Variants in CUL1 observed in about 807,000 individuals in gnomAD.
CUL1 encodes cullin 1.
CUL1 carries 24 observed loss-of-function variants against 118.0 expected under a neutral mutation model. The ratio of observed to expected loss-of-function variants is 0.20; its 90% CI spans 0.15 to 0.29. The LOEUF is 0.29. CUL1 is among the 10% of genes least tolerant of loss of function. The probability of loss-of-function intolerance (pLI) is 1.00; values close to 1 mark genes in which losing one functional copy is unlikely to be tolerated. For synonymous variants in CUL1, 332 were observed against 340.4 expected (o/e 0.98, Z 0.27); for missense variants, 361 against 933.8 (o/e 0.39, Z 7.99).
Position 148,738,183 on chromosome 7 carries a change from A to G in CUL1, c.140+7921A>G, listed in dbSNP as rs73467435. 8.0e-4 allele frequency among the ~76,000 whole-genome samples: 122 copies of G among 152,294 alleles called. 1 individual carries two copies. Among genetic ancestry groups the G allele is most frequent in the African/African-American group, 2.8e-3 (118 of 41,560 alleles). On this transcript the variant is annotated intron_variant, in intron 2 of 21. Transcript: ENST00000325222. Reference sequence around the variant, plus strand: ...GTGCTGTGGGTAACAGAGACATTTGAGAATACTGGCTCCGTCATCCTGCTG... The same window carrying G: ...GTGCTGTGGGTAACAGAGACATTTGGGAATACTGGCTCCGTCATCCTGCTG...
intron 21 of CUL1, among the ~76,000 whole-genome samples, chr7:148,799,828 C>T (rs1801329155): frequency 6.6e-6 from 1 of 152,236 alleles, no homozygotes; most frequent in Non-Finnish European, 1.5e-5. Flanking sequence ...AGGTTCGTCG[C>T]ATTGCGGTAT....
At chr7:148,739,437 C>G (rs76570239) in intron 2 of CUL1, among the ~76,000 whole-genome samples, 1 of 152,164 alleles carries the variant, frequency 6.6e-6, no homozygotes, top group East Asian at 1.9e-4. Context: ...GTTCTTTAGG[C>G]GAAGGTGCCC....
At position 148,742,598 on chromosome 7, in the gene CUL1, G is replaced by GTTTTTTTTTTTTTT. The variant is rs59592789; in HGVS notation, c.141-11373_141-11360dup. Reference sequence around the variant, plus strand: ...TTCTTAAATCTTTCTACCTTTTCTGGTTTTTTTTTTTTTTTTTTGAGTTGG... The same window carrying GTTTTTTTTTTTTTT: ...TTCTTAAATCTTTCTACCTTTTCTGGTTTTTTTTTTTTTTTTTTTTTTTTTTTTTTTTGAGTTGG... On this transcript the variant is annotated intron_variant, in intron 2 of 21. Transcript: ENST00000325222. Among the ~76,000 whole-genome samples the GTTTTTTTTTTTTTT allele has an allele frequency of 9.5e-4, 107 of 112,170 alleles. 2 individuals are homozygous for GTTTTTTTTTTTTTT. Among genetic ancestry groups the GTTTTTTTTTTTTTT allele is most frequent in the Middle Eastern group, 5.4e-3 (1 of 186 alleles). 73.6% of individuals were successfully genotyped at this position (112,170 alleles called of 152,430 possible). A position where few individuals can be genotyped will look rare whatever the true frequency, so the allele number is the denominator to read the frequency against.
At chr7:148,737,969 G>T (rs1799015109) in intron 2 of CUL1, among the ~76,000 whole-genome samples, 1 of 152,146 alleles carries the variant, frequency 6.6e-6, no homozygotes, top group East Asian at 1.9e-4. Flanking sequence ...GAAGTTACTT[G>T]TTTAAATTTC....
chr7:148,789,150 C>T (rs1445292564), intron 14 of CUL1, among the ~76,000 whole-genome samples: 2 of 152,136 alleles, frequency 1.3e-5, no homozygotes, highest in African/African-American at 2.4e-5. Context: ...TTTATGCTTA[C>T]ATCATCTTTT....
chr7:148,793,634 C>A (rs1299357088), intron 17 of CUL1, among the ~76,000 whole-genome samples: 5 of 152,178 alleles, frequency 3.3e-5, no homozygotes, highest in African/African-American at 7.2e-5. Flanking sequence ...TACTTCATTT[C>A]TTTTTGTGGT....
intron 1 of CUL1, among the ~76,000 whole-genome samples, chr7:148,703,407 A>C: frequency 6.6e-6 from 1 of 152,226 alleles, no homozygotes; most frequent in East Asian, 1.9e-4. Flanking sequence ...GTTCAAATAT[A>C]ACAAGCTGCA....
At chr7:148,743,522 T>C (rs1426461894) in intron 2 of CUL1, among the ~76,000 whole-genome samples, 1 of 152,254 alleles carries the variant, frequency 6.6e-6, no homozygotes, top group Non-Finnish European at 1.5e-5. Flanking sequence ...ATTGATATTT[T>C]TCCTATGGTC....
intron 4 of CUL1, among the ~76,000 whole-genome samples, chr7:148,757,849 C>A (rs901406076): frequency 1.3e-5 from 2 of 152,138 alleles, no homozygotes; most frequent in African/African-American, 4.8e-5. Context: ...AGCGGAAACC[C>A]CTTATAAAAC....
chr7:148,762,739 T>C (rs939505477), intron 7 of CUL1, among the ~76,000 whole-genome samples: 10 of 152,258 alleles, frequency 6.6e-5, no homozygotes, highest in Non-Finnish European at 1.2e-4. Flanking sequence ...TATTAGAGGA[T>C]TGTGGTCATC....
At chr7:148,783,943 G>A (rs1179171779) in intron 10 of CUL1, 28 bp from the exon 11 acceptor site, 5 of 1,613,780 alleles carry the variant, frequency 3.1e-6, no homozygotes, top group Middle Eastern at 1.6e-4. Context: ...TGGGGCGTTT[G>A]TCTCTAACTA....
chr7:148,752,536 C>T (rs1443397521), intron 2 of CUL1, among the ~76,000 whole-genome samples: 4 of 151,822 alleles, frequency 2.6e-5, no homozygotes, highest in African/African-American at 9.7e-5. Context: ...TTTAGATTTT[C>T]TGTGGTATAT....
intron 9 of CUL1, among the ~76,000 whole-genome samples, chr7:148,775,490 T>C (rs758239500): frequency 6.6e-6 from 1 of 152,222 alleles, no homozygotes; most frequent in African/African-American, 2.4e-5. Context: ...TTTGAACATA[T>C]TGAAAATTTT....
chr7:148,700,753 T>TC (rs1797695791), intron 1 of CUL1, among the ~76,000 whole-genome samples: 1 of 152,226 alleles, frequency 6.6e-6, no homozygotes, highest in South Asian at 2.1e-4. Context: ...AAACTTTTTT[T>TC]CTCATTGGCT....
At chr7:148,741,197 T>A (rs1799128721) in intron 2 of CUL1, among the ~76,000 whole-genome samples, 2 of 152,222 alleles carry the variant, frequency 1.3e-5, no homozygotes, top group South Asian at 4.1e-4. Flanking sequence ...CTATTACGAA[T>A]AGTGCTGCTG....
At chr7:148,725,213 G>GCGCA (rs1563151017) in intron 1 of CUL1, among the ~76,000 whole-genome samples, 1 of 75,080 alleles carries the variant, frequency 1.3e-5, no homozygotes, top group Admixed American at 1.3e-4. Context: ...ACACACACAC[G>GCGCA]CGCGCGCTCA....
In CUL1 at chr7:148,730,044, T is replaced by C. The variant is rs1798705696; in HGVS notation, c.-79T>C. ...TGTGAATAAATTTGGAATGGTACTG[T>C]ATATTTTCATCTAATGGAGAACTAG... is the stretch of plus-strand genomic sequence containing the variant. On this transcript the variant is annotated 5_prime_UTR_variant, in exon 2 of 22. Transcript: ENST00000325222. 4 of 1,492,472 alleles carry C rather than the reference T, an allele frequency of 2.7e-6. No homozygotes were observed. The South Asian group carries it at 5.1e-5, about 19-fold the overall frequency. 92.5% of individuals were successfully genotyped at this position (1,492,472 alleles called of 1,614,324 possible). A position where few individuals can be genotyped will look rare whatever the true frequency, so the allele number is the denominator to read the frequency against.
intron 1 of CUL1, among the ~76,000 whole-genome samples, chr7:148,717,939 A>G (rs994195481): frequency 8.5e-5 from 13 of 152,230 alleles, no homozygotes; most frequent in African/African-American, 3.1e-4. Context: ...CAATACCTGC[A>G]GGCAAAACTT....
intron 17 of CUL1, among the ~76,000 whole-genome samples, chr7:148,794,954 C>A (rs1801135770): frequency 1.3e-5 from 2 of 152,208 alleles, no homozygotes; most frequent in Non-Finnish European, 2.9e-5. Flanking sequence ...ACCTCAGCCT[C>A]CCAAGTAGCT....
Sources: gnomAD v4.1 joint callset for allele counts (sites outside exome capture counted in the v4.1 genomes callset) on GRCh38, gnomAD v4.1.1 for gene constraint, MANE v1.5 for transcripts, NCBI Gene and HGNC (gene_info 2026-07-23, HGNC 2026-07-21) for gene names.